Variants in UMODL1 observed in about 807,000 individuals in gnomAD.
The protein encoded by UMODL1 is uromodulin-like 1.
In UMODL1, 128 loss-of-function variants were observed where a neutral mutation model predicts 136.3. The observed-to-expected ratio is 0.94, with a 90% CI of 0.81 to 1.09. UMODL1 has a LOEUF of 1.09. Ranked by LOEUF, UMODL1 falls within the 50% of genes least tolerant of loss-of-function variation. UMODL1 has a pLI of 0.00. For missense variants in UMODL1, 1,766 were observed against 1,725.6 expected (o/e 1.02, Z -0.41); for synonymous variants, 721 against 720.0 (o/e 1.00, Z -0.02).
intron 6 of UMODL1, among the ~76,000 whole-genome samples, chr21:42,098,068 T>A (rs900993059): frequency 6.6e-6 from 1 of 152,208 alleles, no homozygotes; most frequent in African/African-American, 2.4e-5. Flanking sequence ...GCCCAGGGCC[T>A]CAGGAGAGGC....
At chr21:42,084,022 C>G in intron 2 of UMODL1, 62 bp from the exon 3 acceptor site, 1 of 1,578,162 alleles carries the variant, frequency 6.3e-7, no homozygotes, top group Non-Finnish European at 8.7e-7. Flanking sequence ...GTGAGGTCCC[C>G]GTGCAGCAAA....
At chr21:42,121,269 CG>C in intron 16 of UMODL1, 45 bp downstream of exon 16, 1 of 1,569,756 alleles carries the variant, frequency 6.4e-7, no homozygotes, top group Non-Finnish European at 8.7e-7. Context: ...GTATCATAAT[CG>C]GTTTTTTTTA....
intron 21 of UMODL1, among the ~76,000 whole-genome samples, chr21:42,134,784 T>TTC (rs2067182089): frequency 1.3e-5 from 2 of 151,412 alleles, no homozygotes; most frequent in African/African-American, 4.9e-5. Context: ...CTGGCTATTT[T>TTC]TTTTTTTTTT....
At chr21:42,065,288 T>C (rs1021550365) in intron 1 of UMODL1, among the ~76,000 whole-genome samples, 10 of 152,358 alleles carry the variant, frequency 6.6e-5, no homozygotes, top group African/African-American at 2.4e-4. Flanking sequence ...AACTCATTCA[T>C]GCAGTTATTG....
At chr21:42,074,050 C>T (rs901507703) in intron 1 of UMODL1, among the ~76,000 whole-genome samples, 1 of 152,202 alleles carries the variant, frequency 6.6e-6, no homozygotes, top group Non-Finnish European at 1.5e-5. Flanking sequence ...CTGGCTAGGG[C>T]TGCTGTAACA....
intron 1 of UMODL1, among the ~76,000 whole-genome samples, chr21:42,072,835 A>C (rs1265499711): frequency 6.6e-6 from 1 of 151,878 alleles, no homozygotes; most frequent in African/African-American, 2.4e-5. Context: ...GGAATCCAAG[A>C]CCCCCGGCTC....
At chr21:42,076,284 C>T (rs746238454) in intron 2 of UMODL1, 37 bp downstream of exon 2, 1 of 1,608,548 alleles carries the variant, frequency 6.2e-7, no homozygotes, top group Non-Finnish European at 8.5e-7. Context: ...CGGGGCCACC[C>T]TTGCCGTCGA....
chr21:42,141,863 G>A (rs2067286319), intron 22 of UMODL1, among the ~76,000 whole-genome samples: 1 of 152,204 alleles, frequency 6.6e-6, no homozygotes. Context: ...CAGTTGGCGT[G>A]TCAGGAGCAT....
Position 42,142,440 on chromosome 21 carries a change from A to T in UMODL1, c.*366A>T, listed in dbSNP as rs2236704. On this transcript the variant is annotated 3_prime_UTR_variant, in exon 23 of 23. Coordinates refer to ENST00000408910, the MANE Select transcript of UMODL1 (RefSeq NM_001004416.3). ...GCAGCCTAGACCTCCCAGGCCTGTG[A>T]CCCTCCACACCAGCCCTCAGAACCC... 6.6e-6 allele frequency: 1 copy of T among 152,034 alleles called. No homozygotes were observed. Among genetic ancestry groups the T allele is most frequent in the African/African-American group, 2.4e-5 (1 of 41,374 alleles). The allele number at this position is 152,034 out of a possible 1,614,324, so 9.4% of individuals were successfully genotyped here.
chr21:42,101,571 G>A (rs1298513585), intron 7 of UMODL1: 2 of 382,086 alleles, frequency 5.2e-6, no homozygotes, highest in Non-Finnish European at 1.0e-5. Flanking sequence ...CTTGGGTTGT[G>A]CATGCTGGGT....
In UMODL1 at chr21:42,099,332, C is replaced by T. The variant is rs220314; in HGVS notation, c.1186+152C>T. Reference sequence around the variant, plus strand: ...CTTCCTCCCTCCCCTCCCAGTCATCCCACTGCCTGCCCGGCATTGCACCGG... The same window carrying T: ...CTTCCTCCCTCCCCTCCCAGTCATCTCACTGCCTGCCCGGCATTGCACCGG... On this transcript the variant is annotated intron_variant, in intron 7 of 22. Transcript: ENST00000408910. This position sits in a 1 kb window ranked among gnomAD's most constrained non-coding sequence, Gnocchi z 4.1. 672,121 of 1,178,450 alleles carry T rather than the reference C, an allele frequency of 0.57. 193,777 individuals are homozygous for T. Among genetic ancestry groups the T allele is most frequent in the Admixed American group, 0.64 (22,683 of 35,486 alleles). The allele number at this position is 1,178,450 out of a possible 1,614,324, so 73.0% of individuals were successfully genotyped here. A position where few individuals can be genotyped will look rare whatever the true frequency, so the allele number is the denominator to read the frequency against.
chr21:42,095,838 G>A (rs956304367), intron 6 of UMODL1, among the ~76,000 whole-genome samples: 2 of 152,140 alleles, frequency 1.3e-5, no homozygotes, highest in Non-Finnish European at 2.9e-5. Flanking sequence ...ATTGCTGTAA[G>A]GACTAAATAG....
In UMODL1 at chr21:42,127,212, AC is replaced by A; in HGVS notation, c.3504del (p.Ile1169SerfsTer19). ...CWATPSSNARDPITFSFINNS... is the reference protein window; with the variant it reads ...CWATPSSNARXPITFSFINNS... ...GCAACCCCGTCTAGCAACGCCCGGG[AC>A]CCCATCACCTTCAGCTTCATTAACA... On this transcript the variant is annotated frameshift_variant, in exon 19 of 23. Coordinates refer to ENST00000408910, the MANE Select transcript of UMODL1 (RefSeq NM_001004416.3). LOFTEE classifies it high-confidence loss of function. 6.2e-7 allele frequency: 1 copy of A among 1,613,912 alleles called. No homozygotes were observed. Among genetic ancestry groups the A allele is most frequent in the Non-Finnish European group, 8.5e-7 (1 of 1,179,996 alleles).
At chr21:42,095,097 T>TGTTTTTTTTTG (rs2066540909) in intron 6 of UMODL1, among the ~76,000 whole-genome samples, 1 of 122,142 alleles carries the variant, frequency 8.2e-6, no homozygotes, top group East Asian at 2.5e-4. Context: ...CTGTTTTTTT[T>TGTTTTTTTTTG]TTTTTTTTTT....
At chr21:42,127,627 CG>C (rs1569176000) in intron 19 of UMODL1, 44 bp from the exon 20 acceptor site, 1 of 1,578,632 alleles carries the variant, frequency 6.3e-7, no homozygotes, top group East Asian at 2.3e-5. Context: ...ACAAGGACAG[CG>C]GGGCTCGCTG....
chr21:42,073,651 C>G (rs1030859884), intron 1 of UMODL1, among the ~76,000 whole-genome samples: 1 of 152,230 alleles, frequency 6.6e-6, no homozygotes, highest in Non-Finnish European at 1.5e-5. Context: ...TGCCCTATTT[C>G]TTCCTGGGGT....
chr21:42,089,094 C>T (rs770140378), intron 5 of UMODL1, among the ~76,000 whole-genome samples: 7 of 152,138 alleles, frequency 4.6e-5, no homozygotes, highest in Non-Finnish European at 8.8e-5. Context: ...TTTGGCTTTG[C>T]GGGCCCACGT....
intron 5 of UMODL1, among the ~76,000 whole-genome samples, chr21:42,089,097 G>A (rs1168221365): frequency 6.6e-6 from 1 of 152,154 alleles, no homozygotes; most frequent in Admixed American, 6.5e-5. Context: ...GGCTTTGCGG[G>A]CCCACGTGGT....
intron 5 of UMODL1, among the ~76,000 whole-genome samples, chr21:42,089,978 T>A (rs1395241587): frequency 6.6e-6 from 1 of 152,176 alleles, no homozygotes; most frequent in African/African-American, 2.4e-5. Context: ...TGGGGTGGGA[T>A]GTTTTGGCCC....
Sources: allele counts gnomAD v4.1 joint callset (sites outside exome capture counted in the v4.1 genomes callset), GRCh38; gene constraint gnomAD v4.1.1; non-coding constraint Gnocchi (gnomAD v3.1); transcripts MANE v1.5; gene names NCBI Gene and HGNC (gene_info 2026-07-23, HGNC 2026-07-21).